SNX29: variants seen among roughly 807,000 people sequenced by gnomAD.
SNX29 encodes the protein sorting nexin-29.
SNX29 carries 78 observed loss-of-function variants against 102.1 expected under a neutral mutation model. The ratio of observed to expected loss-of-function variants is 0.76; its 90% CI spans 0.64 to 0.92. The LOEUF (loss-of-function observed/expected upper bound fraction) is 0.92, where lower values mean the gene tolerates loss of function less well. SNX29 is among the 40% of genes least tolerant of loss of function. SNX29 has a pLI of 0.00. For missense variants in SNX29, 1,280 were observed against 1,061.7 expected (o/e 1.21, Z -2.86); for synonymous variants, 580 against 414.5 (o/e 1.40, Z -4.85).
chr16:12,504,523 A>C (rs1318326621), intron 19 of SNX29, among the ~76,000 whole-genome samples: 3 of 152,214 alleles, frequency 2.0e-5, no homozygotes, highest in African/African-American at 7.2e-5. Context: ...GTGTCACAGA[A>C]GGATCATGTT....
chr16:12,140,108 C>T (rs959585827), intron 13 of SNX29, among the ~76,000 whole-genome samples: 9 of 151,686 alleles, frequency 5.9e-5, no homozygotes, highest in Admixed American at 2.6e-4. Context: ...CTTAAACCTA[C>T]AGGAGAAGAG....
chr16:12,505,627 C>A (rs2089337166), intron 19 of SNX29, among the ~76,000 whole-genome samples: 1 of 152,068 alleles, frequency 6.6e-6, no homozygotes, highest in African/African-American at 2.4e-5. Context: ...TCCTTGATTA[C>A]TGTGGCTTTG....
chr16:12,002,402 C>T (rs151166511), intron 2 of SNX29, among the ~76,000 whole-genome samples: 5 of 147,088 alleles, frequency 3.4e-5, no homozygotes, highest in Non-Finnish European at 7.4e-5. Flanking sequence ...GAGCTGAGAT[C>T]GATATTACAC....
chr16:12,217,535 C>T (rs546036360), intron 14 of SNX29, among the ~76,000 whole-genome samples: 1 of 152,278 alleles, frequency 6.6e-6, no homozygotes, highest in Non-Finnish European at 1.5e-5. Context: ...ATATCTACCA[C>T]CTGTAGTATG....
intron 4 of SNX29, among the ~76,000 whole-genome samples, chr16:12,031,350 G>A (rs549632909): frequency 2.0e-5 from 3 of 152,078 alleles, no homozygotes; most frequent in African/African-American, 4.8e-5. Flanking sequence ...GGGATTACAG[G>A]CGTTAGCCAC....
In SNX29 at chr16:12,218,277, C is replaced by T. The variant is rs572258553; in HGVS notation, c.1678+18594C>T. ...GGTACGTAAAGAAGTTAATCTCTCC[C>T]GATGCTACCCTTTTTAGATCACCAG... On this transcript the variant is annotated intron_variant, in intron 14 of 20. Transcript: ENST00000566228. Among the ~76,000 whole-genome samples, 37 of 152,240 alleles carry T rather than the reference C, an allele frequency of 2.4e-4. 1 individual carries two copies. The highest frequency in any genetic ancestry group is 9.6e-4 in the East Asian group (5 of 5,190).
At chr16:12,071,018 TTG>T in intron 10 of SNX29, among the ~76,000 whole-genome samples, 1 of 151,930 alleles carries the variant, frequency 6.6e-6, no homozygotes, top group Admixed American at 6.6e-5. Flanking sequence ...TTTGATGGGG[TTG>T]TTTTTTTCTT....
intron 15 of SNX29, among the ~76,000 whole-genome samples, chr16:12,282,584 A>G (rs1405183534): frequency 6.6e-6 from 1 of 152,250 alleles, no homozygotes; most frequent in Non-Finnish European, 1.5e-5. Context: ...TGTAATGCGT[A>G]AAGAATGATA....
chr16:12,016,042 T>A lies in SNX29; in HGVS notation c.123-11278T>A, dbSNP rs141735891. ...ACCACGCCCGGCTAATTTTTGTGTT[T>A]TTATTAGAGACGGGATTTCACCATG... On this transcript the variant is annotated intron_variant, in intron 3 of 20. Transcript: ENST00000566228. Among the ~76,000 whole-genome samples the A allele has an allele frequency of 4.4e-3, 674 of 151,990 alleles. 7 individuals carry two copies. Among genetic ancestry groups the A allele is most frequent in the African/African-American group, 0.015 (630 of 41,426 alleles).
intron 1 of SNX29, among the ~76,000 whole-genome samples, chr16:11,996,847 T>G (rs1035269780): frequency 1.3e-5 from 2 of 152,186 alleles, no homozygotes; most frequent in African/African-American, 2.4e-5. Flanking sequence ...AGCGATGCCT[T>G]GAGATGCCTC....
intron 15 of SNX29, among the ~76,000 whole-genome samples, chr16:12,340,413 A>C (rs1291314865): frequency 6.6e-6 from 1 of 152,182 alleles, no homozygotes; most frequent in African/African-American, 2.4e-5. Flanking sequence ...TCAGAGGAGG[A>C]AGGAGCTTTT....
At chr16:12,489,358 A>G (rs1355168089) in intron 19 of SNX29, among the ~76,000 whole-genome samples, 1 of 151,542 alleles carries the variant, frequency 6.6e-6, no homozygotes, top group Non-Finnish European at 1.5e-5. Context: ...TTTGGAGTTC[A>G]CAACCCCAGG....
chr16:12,542,362 C>G (rs553366827), intron 20 of SNX29, among the ~76,000 whole-genome samples: 3 of 152,102 alleles, frequency 2.0e-5, no homozygotes, highest in African/African-American at 4.8e-5. Context: ...AAAAGTTAGA[C>G]CCAAGTTCTA....
At position 12,433,254 on chromosome 16, in the gene SNX29, C is replaced by T. The variant is rs186036706; in HGVS notation, c.2037+29725C>T. ...GAAATGTCTTGAGGGGAGATAATGT[C>T]GATGTAACGAGCCTTCTTCCTCTGC... On this transcript the variant is annotated intron_variant, in intron 18 of 20. Coordinates refer to ENST00000566228, the MANE Select transcript of SNX29 (RefSeq NM_032167.5). Among the ~76,000 whole-genome samples, 7 of 152,246 alleles carry T rather than the reference C, an allele frequency of 4.6e-5. No individual in the cohort carries two copies. The East Asian group carries it at 9.7e-4, about 21-fold the overall frequency.
intron 3 of SNX29, among the ~76,000 whole-genome samples, chr16:12,009,967 G>A (rs556582259): frequency 6.6e-6 from 1 of 152,300 alleles, no homozygotes; most frequent in Non-Finnish European, 1.5e-5. Context: ...ATGCTAACGG[G>A]GGCAGTGGAA....
chr16:12,433,118 G>A (rs369265188), intron 18 of SNX29, among the ~76,000 whole-genome samples: 69 of 152,274 alleles, frequency 4.5e-4, no homozygotes, highest in Admixed American at 2.2e-3. Context: ...TGTGTGTCCC[G>A]TTCCTTTCAG....
At chr16:11,983,685 C>CTGG in intron 1 of SNX29, 1 of 985,382 alleles carries the variant, frequency 1.0e-6, no homozygotes, top group Non-Finnish European at 1.2e-6. Context: ...TGTTGGCTAT[C>CTGG]TTGCCTCCTG....
intron 14 of SNX29, among the ~76,000 whole-genome samples, chr16:12,237,546 G>A (rs1046587367): frequency 6.6e-6 from 1 of 152,140 alleles, no homozygotes; most frequent in African/African-American, 2.4e-5. Context: ...TGAGGTGGGT[G>A]GATCACCTGA....
rs147842780 is a variant in SNX29, at chr16:12,195,264, A to G, written c.1596-4337A>G. ...GCGTCCTATTATAGGAGGATGCACC[A>G]TAACTTTCCACCCACTCTTACATTA... On this transcript the variant is annotated intron_variant, in intron 13 of 20. Transcript: ENST00000566228. Among the ~76,000 whole-genome samples, 260 of 152,374 alleles carry G rather than the reference A, an allele frequency of 1.7e-3. 1 individual carries two copies. The highest frequency in any genetic ancestry group is 6.0e-3 in the African/African-American group (250 of 41,594).
Sources: allele counts gnomAD v4.1 joint callset (sites outside exome capture counted in the v4.1 genomes callset), GRCh38; gene constraint gnomAD v4.1.1; transcripts MANE v1.5; gene names NCBI Gene and HGNC (gene_info 2026-07-23, HGNC 2026-07-21).